CR1: variants seen among roughly 807,000 people sequenced by gnomAD.
CR1 encodes complement receptor type 1.
Under a neutral mutation model 187.3 loss-of-function variants are expected in CR1, and 116 were observed. That is an observed-to-expected ratio of 0.62 (90% confidence interval 0.53 to 0.72). The LOEUF is 0.72. Among genes scored for constraint, CR1 ranks in the 30% least tolerant of loss-of-function variants. The pLI is 0.00. For missense variants in CR1, 1,731 were observed against 2,110.7 expected, an observed-to-expected ratio of 0.82 and a Z score of 3.52; for synonymous variants, 576 against 747.1, an observed-to-expected ratio of 0.77 and a Z score of 3.73.
chr1:207,601,886 A>G (rs1351327113), intron 35 of CR1, among the ~76,000 whole-genome samples: 1 of 152,030 alleles, frequency 6.6e-6, no homozygotes, highest in African/African-American at 2.4e-5. Flanking sequence ...TCTTGGTGGT[A>G]TCTTTTGTTC....
rs371964699 is a variant in CR1, at chr1:207,580,301, T to C, written c.4998T>C (p.Phe1666=). ...ATACCCCAAGCCATCAGGACAACTTTTCACCTGGGCAGGAAGTGTTCTACA... is the reference window on the plus strand; with the variant it reads ...ATACCCCAAGCCATCAGGACAACTTCTCACCTGGGCAGGAAGTGTTCTACA... ...GEHTPSHQDN[F]SPGQEVFYSC... is the part of the protein sequence containing the mutation. The change falls in exon 30 of 47, where the codon TTT becomes TTC. Residue 1666 remains phenylalanine (F), a synonymous_variant. Coordinates refer to ENST00000367049, the MANE Select transcript of CR1 (RefSeq NM_000651.6). 3.7e-6 allele frequency: 6 copies of C among 1,613,702 alleles called. No individual in the cohort carries two copies. The African/African-American group carries it at 8.0e-5, about 22-fold the overall frequency.
At chr1:207,624,038 G>T (rs1195049242) in intron 45 of CR1, among the ~76,000 whole-genome samples, 1 of 146,052 alleles carries the variant, frequency 6.8e-6, no homozygotes, top group Non-Finnish European at 1.5e-5. Context: ...CGATTCTCAT[G>T]CCTCAGCCTC....
At chr1:207,616,342 T>C (rs1662094911) in intron 40 of CR1, among the ~76,000 whole-genome samples, 2 of 152,294 alleles carry the variant, frequency 1.3e-5, no homozygotes, top group South Asian at 4.2e-4. Context: ...TGAACATAGG[T>C]ACCTGAGTGG....
intron 35 of CR1, among the ~76,000 whole-genome samples, chr1:207,592,136 A>T (rs369380214): frequency 6.6e-6 from 1 of 152,178 alleles, no homozygotes; most frequent in South Asian, 2.1e-4. Flanking sequence ...GCAGAGACAC[A>T]ATAAAAAAGG....
intron 2 of CR1, 142 bp downstream of exon 2, chr1:207,506,225 C>G: frequency 1.3e-5 from 13 of 997,512 alleles, no homozygotes; most frequent in Non-Finnish European, 1.9e-5. Flanking sequence ...TCTTGTAGAT[C>G]ATACCTTGTT....
At chr1:207,506,688 T>C (rs1659444395) in intron 2 of CR1, 26 bp from the exon 3 acceptor site, 2 of 1,605,376 alleles carry the variant, frequency 1.2e-6, no homozygotes, top group African/African-American at 1.3e-5. Context: ...TCTACTTGGC[T>C]CCAAAATTCT....
intron 35 of CR1, among the ~76,000 whole-genome samples, chr1:207,591,470 A>G (rs189863393): frequency 2.0e-5 from 3 of 151,954 alleles, no homozygotes; most frequent in Admixed American, 1.3e-4. Flanking sequence ...CACTAAATTT[A>G]TAGCACTAAA....
intron 33 of CR1, 87 bp downstream of exon 33, chr1:207,584,963 G>C (rs968223219): frequency 3.2e-5 from 50 of 1,552,634 alleles, no homozygotes; most frequent in Non-Finnish European, 3.8e-5. Flanking sequence ...TATGGTATTT[G>C]TTTGTGAGCT....
chr1:207,594,622 C>G (rs1382537797), intron 35 of CR1, among the ~76,000 whole-genome samples: 1 of 151,968 alleles, frequency 6.6e-6, no homozygotes, highest in Non-Finnish European at 1.5e-5. Context: ...AGACTGTGTA[C>G]TCATTTTTGG....
chr1:207,612,058 G>A lies in CR1; in HGVS notation c.6575+17G>A, dbSNP rs751678446. 9.9e-6 allele frequency: 16 copies of A among 1,610,482 alleles called. No individual in the cohort carries two copies. The highest frequency in any genetic ancestry group is 8.9e-5 in the East Asian group (4 of 44,880). ...CGATGAAGGGTGAGTGTGACCCAGC[G>A]TTGAGACCAAGGACTCAGTGTGGAG... On this transcript the variant is annotated intron_variant, in intron 39 of 46. Transcript: ENST00000367049.
intron 1 of CR1, among the ~76,000 whole-genome samples, chr1:207,496,914 A>G (rs12028428): frequency 6.6e-6 from 1 of 152,278 alleles, no homozygotes; most frequent in East Asian, 1.9e-4. Context: ...ACACAGGGCT[A>G]TGTGTCCCCG....
chr1:207,579,846 T>A (rs1206541733), intron 29 of CR1, among the ~76,000 whole-genome samples: 1 of 152,166 alleles, frequency 6.6e-6, no homozygotes, highest in African/African-American at 2.4e-5. Context: ...CAAGAACCCT[T>A]CCAGAGTAAG....
At chr1:207,612,253 G>A (rs1661957330) in intron 39 of CR1, among the ~76,000 whole-genome samples, 1 of 152,196 alleles carries the variant, frequency 6.6e-6, no homozygotes, top group African/African-American at 2.4e-5. Context: ...TCAATGTCAG[G>A]TACAAACCTA....
chr1:207,613,383 G>C (rs1475689702), intron 39 of CR1, among the ~76,000 whole-genome samples: 2 of 152,144 alleles, frequency 1.3e-5, no homozygotes, highest in South Asian at 4.1e-4. Flanking sequence ...GGGCACAACA[G>C]TGTAAAAAAC....
Position 207,609,664 on chromosome 1 carries a change from C to T in CR1, c.6271C>T (p.Pro2091Ser), listed in dbSNP as rs1319989653. 1 of 1,591,074 alleles carries T rather than the reference C, an allele frequency of 6.3e-7. No homozygotes were observed. Among genetic ancestry groups the T allele is most frequent in the Admixed American group, 1.7e-5 (1 of 58,148 alleles). ...VQCQTNGRWG[P>S]KLPHCSRVCQ... ...GTGCCAGACCAATGGCAGATGGGGG[C>T]CCAAGCTGCCACACTGCTCCAGGGG... The change falls in exon 37 of 47, where the codon CCC becomes TCC. Residue 2091 changes from proline (P) to serine (S), a missense_variant. This residue lies in a region of CR1 where 1,312 missense variants were observed against 1,379.6 expected (regional missense o/e 0.95). Transcript: ENST00000367049.
intron 46 of CR1, among the ~76,000 whole-genome samples, chr1:207,637,579 A>G (rs1662855731): frequency 6.6e-6 from 1 of 152,216 alleles, no homozygotes; most frequent in Admixed American, 6.5e-5. Flanking sequence ...AGGTACTTCT[A>G]CCAACCAATT....
intron 4 of CR1, among the ~76,000 whole-genome samples, chr1:207,517,807 G>A (rs1314946160): frequency 6.6e-6 from 1 of 152,004 alleles, no homozygotes; most frequent in African/African-American, 2.4e-5. Context: ...TCTCATATTA[G>A]CCTTTGGATG....
Position 207,617,262 on chromosome 1 carries a change from A to C in CR1, c.6889+460A>C, listed in dbSNP as rs529220782. ...AAAGTAATTTGAGAAACTCAGATGT[A>C]GGGATTTATACTTTTTATGTTGTTT... On this transcript the variant is annotated intron_variant, in intron 41 of 46. Transcript: ENST00000367049. Among the ~76,000 whole-genome samples the C allele has an allele frequency of 2.7e-4, 41 of 151,828 alleles. No homozygotes were observed. In the South Asian group the frequency reaches 8.6e-3, roughly 32 times the overall value.
chr1:207,574,792 T>C (rs1393637637), intron 27 of CR1, among the ~76,000 whole-genome samples: 2 of 152,198 alleles, frequency 1.3e-5, no homozygotes, highest in Non-Finnish European at 2.9e-5. Flanking sequence ...GTGTGTAATA[T>C]ACATGCACAT....
Sources: gnomAD v4.1 joint callset for allele counts (sites outside exome capture counted in the v4.1 genomes callset) on GRCh38, gnomAD v4.1.1 for gene constraint, gnomAD v4.1.1 regional missense constraint, MANE v1.5 for transcripts, NCBI Gene and HGNC (gene_info 2026-07-23, HGNC 2026-07-21) for gene names.